The following LYPD6B variants were observed in gnomAD, a reference collection of about 807,000 sequenced individuals.
LYPD6B encodes ly6/PLAUR domain-containing protein 6B.
Under a neutral mutation model 22.8 loss-of-function variants are expected in LYPD6B, and 17 were observed. The observed-to-expected ratio is 0.75, with a 90% CI of 0.51 to 1.12. The LOEUF (loss-of-function observed/expected upper bound fraction) is 1.12. Ranked by LOEUF, LYPD6B falls within the 50% of genes most tolerant of loss-of-function variation. LYPD6B has a pLI of 0.00. For synonymous variants in LYPD6B, 106 were observed against 91.6 expected, an observed-to-expected ratio of 1.16 and a Z score of -0.90; for missense variants, 221 against 258.3, an observed-to-expected ratio of 0.86 and a Z score of 0.99.
At chr2:149,207,382 G>T (rs1693566661) in intron 4 of LYPD6B, among the ~76,000 whole-genome samples, 1 of 152,236 alleles carries the variant, frequency 6.6e-6, no homozygotes. Context: ...AGAATGAAGA[G>T]AATGAAACAG....
chr2:149,175,022 AATCTCT>A (rs1170519555), intron 3 of LYPD6B, among the ~76,000 whole-genome samples: 1 of 79,994 alleles, frequency 1.3e-5, no homozygotes, highest in East Asian at 4.8e-4. Flanking sequence ...TAATCTCTTT[AATCTCT>A]CTCTCTCTCT....
intron 1 of LYPD6B, among the ~76,000 whole-genome samples, chr2:149,105,530 G>T (rs896051544): frequency 6.6e-6 from 1 of 152,052 alleles, no homozygotes; most frequent in African/African-American, 2.4e-5. Flanking sequence ...ATTATTGTCA[G>T]ATTTACCCCT....
chr2:149,140,502 G>A (rs1427873635), intron 2 of LYPD6B, among the ~76,000 whole-genome samples: 7 of 152,166 alleles, frequency 4.6e-5, no homozygotes, highest in East Asian at 3.8e-4. Flanking sequence ...AGGGGTGCCC[G>A]TTCAGCATGG....
intron 1 of LYPD6B, among the ~76,000 whole-genome samples, chr2:149,062,847 A>C (rs1321877512): frequency 6.7e-6 from 1 of 148,898 alleles, no homozygotes; most frequent in Non-Finnish European, 1.5e-5. Flanking sequence ...GAAAGCTTTC[A>C]GTGATACATG....
chr2:149,050,121 C>G (rs944796733), intron 1 of LYPD6B, among the ~76,000 whole-genome samples: 2 of 152,140 alleles, frequency 1.3e-5, no homozygotes, highest in Non-Finnish European at 2.9e-5. Context: ...TTGCTCTGGA[C>G]TCTATTTCTT....
intron 2 of LYPD6B, among the ~76,000 whole-genome samples, chr2:149,156,332 G>A (rs572794343): frequency 6.6e-6 from 1 of 152,290 alleles, no homozygotes; most frequent in Admixed American, 6.5e-5. Context: ...TGACAGTGAG[G>A]TCCTTGAGTA....
At chr2:149,171,744 G>A (rs1210292161) in intron 3 of LYPD6B, among the ~76,000 whole-genome samples, 3 of 152,108 alleles carry the variant, frequency 2.0e-5, no homozygotes, top group Non-Finnish European at 4.4e-5. Flanking sequence ...GAACATTGGC[G>A]CTATGCTGCT....
rs767910732 is a variant in LYPD6B at position 149,214,620 on chromosome 2, C to T, written c.534C>T (p.Ala178=). 13 of 1,613,870 alleles carry T rather than the reference C, an allele frequency of 8.1e-6. No homozygotes were observed. Among genetic ancestry groups the T allele is most frequent in the Admixed American group, 3.3e-5 (2 of 60,014 alleles). Reference sequence around the variant, plus strand: ...CCAATCACACTAATGCAGTGTTTGCCGTAATGCACGCTCAGAGAACATCTG... The same window carrying T: ...CCAATCACACTAATGCAGTGTTTGCTGTAATGCACGCTCAGAGAACATCTG... ...LPTNHTNAVF[A]VMHAQRTSGS... The change falls in exon 7 of 7, where the codon GCC becomes GCT. Residue 178 remains alanine (A), a synonymous_variant. Transcript: ENST00000409642.
At chr2:149,113,253 A>G (rs1686846988) in intron 1 of LYPD6B, among the ~76,000 whole-genome samples, 1 of 151,910 alleles carries the variant, frequency 6.6e-6, no homozygotes. Context: ...GTTCCCTTTC[A>G]CTTTCAGAGG....
intron 3 of LYPD6B, among the ~76,000 whole-genome samples, chr2:149,194,895 G>A (rs757828989): frequency 6.6e-6 from 1 of 152,216 alleles, no homozygotes; most frequent in Non-Finnish European, 1.5e-5. Context: ...TGTGATTGTA[G>A]TGTATTTCAA....
In LYPD6B at chr2:149,212,980, C is replaced by T. The variant is rs745697244; in HGVS notation, c.329-12C>T. On this transcript the variant is annotated splice_polypyrimidine_tract_variant and intron_variant, in intron 5 of 6. Transcript: ENST00000409642. Reference sequence around the variant, plus strand: ...TGTTTCTTGGTTTTGTTTTTTGTTTCCTCTTGCCTAGATACACAGTACTGT... The same window carrying T: ...TGTTTCTTGGTTTTGTTTTTTGTTTTCTCTTGCCTAGATACACAGTACTGT... The T allele has an allele frequency of 1.2e-6, 2 of 1,604,466 alleles. No homozygotes were observed. The highest frequency in any genetic ancestry group is 1.7e-5 in the Admixed American group (1 of 57,964).
chr2:149,054,494 A>G (rs1683699147), intron 1 of LYPD6B, among the ~76,000 whole-genome samples: 1 of 152,038 alleles, frequency 6.6e-6, no homozygotes, highest in African/African-American at 2.4e-5. Context: ...TGGATAGTAG[A>G]CCCTTATTGG....
intron 1 of LYPD6B, among the ~76,000 whole-genome samples, chr2:149,102,614 A>G (rs749926046): frequency 6.6e-6 from 1 of 151,952 alleles, no homozygotes; most frequent in Non-Finnish European, 1.5e-5. Flanking sequence ...TTCTGCAAGG[A>G]AGAGTTTGTT....
At chr2:149,069,604 A>G (rs1684503842) in intron 1 of LYPD6B, among the ~76,000 whole-genome samples, 1 of 152,176 alleles carries the variant, frequency 6.6e-6, no homozygotes, top group Non-Finnish European at 1.5e-5. Flanking sequence ...TGCATGAGCC[A>G]GCTTGGCATT....
At chr2:149,179,530 A>G (rs958273548) in intron 3 of LYPD6B, among the ~76,000 whole-genome samples, 2 of 152,242 alleles carry the variant, frequency 1.3e-5, no homozygotes, top group African/African-American at 4.8e-5. Context: ...TTTTCCATCC[A>G]TATTTCTAAC....
intron 1 of LYPD6B, among the ~76,000 whole-genome samples, chr2:149,073,864 G>A (rs546506298): frequency 2.4e-4 from 36 of 152,032 alleles, no homozygotes; most frequent in African/African-American, 8.4e-4. Context: ...GAGAGAGGGA[G>A]AGGACAGCAA....
At chr2:149,131,647 A>G (rs1688036762) in intron 2 of LYPD6B, 1 of 152,268 alleles carries the variant, frequency 6.6e-6, no homozygotes, top group Non-Finnish European at 1.5e-5. Context: ...GAAAGTATAT[A>G]CGTGGACCTG....
intron 1 of LYPD6B, among the ~76,000 whole-genome samples, chr2:149,069,452 G>T (rs1684496200): frequency 6.6e-6 from 1 of 152,058 alleles, no homozygotes; most frequent in African/African-American, 2.4e-5. Flanking sequence ...AATGAAACTG[G>T]GTTGGTTAGG....
intron 1 of LYPD6B, among the ~76,000 whole-genome samples, chr2:149,120,983 G>T (rs147983044): frequency 6.6e-6 from 1 of 151,498 alleles, no homozygotes; most frequent in African/African-American, 2.4e-5. Flanking sequence ...GTAGAGACAG[G>T]GTTTCACCAT....
Sources: allele counts gnomAD v4.1 joint callset (sites outside exome capture counted in the v4.1 genomes callset), GRCh38; gene constraint gnomAD v4.1.1; transcripts MANE v1.5; gene names NCBI Gene and HGNC (gene_info 2026-07-23, HGNC 2026-07-21).